Variants in RBFOX1 observed in about 807,000 individuals in gnomAD.
RBFOX1 encodes RNA binding protein fox-1 homolog 1.
Under a neutral mutation model 57.7 loss-of-function variants are expected in RBFOX1, and 8 were observed. The observed-to-expected ratio is 0.14, with a 90% CI of 0.08 to 0.25. RBFOX1 has a LOEUF of 0.25. RBFOX1 is among the 10% of genes least tolerant of loss of function. RBFOX1 has a pLI of 1.00. For missense variants in RBFOX1, 611 were observed against 548.5 expected (o/e 1.11, Z -1.14); for synonymous variants, 326 against 222.4 (o/e 1.47, Z -4.15).
At chr16:6,733,897 C>T (rs572117677) in intron 3 of RBFOX1, among the ~76,000 whole-genome samples, 64 of 152,294 alleles carry the variant, frequency 4.2e-4, no homozygotes, top group Admixed American at 7.8e-4. Context: ...TGATTGTCAG[C>T]GCTATGCTGT....
chr16:5,423,523 G>A (rs1054803602), intron 1 of RBFOX1, among the ~76,000 whole-genome samples: 2 of 152,150 alleles, frequency 1.3e-5, no homozygotes, highest in African/African-American at 4.8e-5. Flanking sequence ...CATGGTGAAG[G>A]GGCCACAGAT....
chr16:5,499,899 T>G (rs1292933662), intron 2 of RBFOX1, among the ~76,000 whole-genome samples: 1 of 152,144 alleles, frequency 6.6e-6, no homozygotes. Context: ...GACTCCAAAA[T>G]CCACACTCCT....
rs114240704 is a variant in RBFOX1, at chr16:5,554,989, G to A, written c.259-43913G>A. ...TTGAATGGTGTTAGTCATAGGAGTG[G>A]ATGTTTATGGTCACAGACTGCACTG... On this transcript the variant is annotated intron_variant, in intron 2 of 2. Coordinates refer to the RBFOX1 transcript ENST00000585867. Among the ~76,000 whole-genome samples the A allele has an allele frequency of 5.9e-3, 892 of 152,234 alleles. 7 individuals carry two copies. The highest frequency in any genetic ancestry group is 0.02 in the African/African-American group (835 of 41,518).
intron 2 of RBFOX1, among the ~76,000 whole-genome samples, chr16:6,555,749 A>T (rs1028592191): frequency 2.3e-4 from 35 of 152,192 alleles, no homozygotes; most frequent in African/African-American, 7.9e-4. Context: ...CATTCCATCT[A>T]TTGTGTGTTT....
At chr16:7,607,450 A>G in intron 10 of RBFOX1, 112 bp downstream of exon 10, 1 of 988,636 alleles carries the variant, frequency 1.0e-6, no homozygotes. Context: ...TTCCTATCCT[A>G]ACAAGTTCTG....
Position 5,301,746 on chromosome 16 carries a change from G to C in RBFOX1, c.219+61641G>C, listed in dbSNP as rs78461448. The stretch of plus-strand genomic sequence containing the variant: ...ACAGCTTGATTGCAGTCTTATAAAA[G>C]AACCACGTATTACAGCCACCCAGAT... On this transcript the variant is annotated intron_variant, in intron 1 of 2. Coordinates refer to the RBFOX1 transcript ENST00000585867. 6.1e-3 allele frequency among the ~76,000 whole-genome samples: 930 copies of C among 151,342 alleles called. 10 individuals are homozygous for C. The highest frequency in any genetic ancestry group is 0.022 in the African/African-American group (896 of 41,298).
intron 3 of RBFOX1, among the ~76,000 whole-genome samples, chr16:6,999,231 T>A (rs1469459374): frequency 6.9e-6 from 1 of 144,534 alleles, no homozygotes; most frequent in East Asian, 2.0e-4. Context: ...TTTTATTTAT[T>A]TTTTTTTTTA....
intron 2 of RBFOX1, among the ~76,000 whole-genome samples, chr16:6,572,300 TTGTC>T (rs2097355788): frequency 6.6e-6 from 1 of 152,240 alleles, no homozygotes; most frequent in African/African-American, 2.4e-5. Context: ...CTCTTCCAAG[TTGTC>T]TGAGATCTAG....
chr16:7,011,081 TC>T (rs1244848536), intron 3 of RBFOX1, among the ~76,000 whole-genome samples: 1 of 151,932 alleles, frequency 6.6e-6, no homozygotes, highest in Admixed American at 6.6e-5. Context: ...TTTTTTTTTT[TC>T]CTGGGTGGGA....
chr16:5,658,760 G>GTA (rs1390531616), intron 3 of RBFOX1, among the ~76,000 whole-genome samples: 107 of 141,762 alleles, frequency 7.5e-4, no homozygotes, highest in African/African-American at 2.1e-3. Context: ...ATATATATAT[G>GTA]TGTATGTATA....
intron 3 of RBFOX1, among the ~76,000 whole-genome samples, chr16:6,678,765 C>T (rs2058164449): frequency 6.6e-6 from 1 of 152,194 alleles, no homozygotes; most frequent in Non-Finnish European, 1.5e-5. Context: ...ATACCACTGA[C>T]TTGAAGCTTT....
At chr16:6,584,346 T>C (rs963720886) in intron 2 of RBFOX1, among the ~76,000 whole-genome samples, 1 of 113,402 alleles carries the variant, frequency 8.8e-6, no homozygotes, top group Non-Finnish European at 1.8e-5. Context: ...TTTTCATTAT[T>C]ATTATTATTA....
chr16:6,185,011 G>A (rs2097096100), intron 1 of RBFOX1, among the ~76,000 whole-genome samples: 1 of 152,132 alleles, frequency 6.6e-6, no homozygotes, highest in South Asian at 2.1e-4. Flanking sequence ...TCGGCATGAG[G>A]TGCCCATTGG....
intron 4 of RBFOX1, among the ~76,000 whole-genome samples, chr16:7,493,552 C>T (rs902150160): frequency 2.6e-5 from 4 of 151,938 alleles, no homozygotes; most frequent in Admixed American, 6.6e-5. Context: ...CACAACAGTA[C>T]TTACAAGGGG....
chr16:7,395,441 A>G (rs2098124686), intron 4 of RBFOX1, among the ~76,000 whole-genome samples: 1 of 152,212 alleles, frequency 6.6e-6, no homozygotes, highest in African/African-American at 2.4e-5. Context: ...GTGGAGCCAG[A>G]AGTATTGGGG....
chr16:7,034,595 A>G (rs2043741080), intron 3 of RBFOX1, among the ~76,000 whole-genome samples: 1 of 151,974 alleles, frequency 6.6e-6, no homozygotes, highest in Non-Finnish European at 1.5e-5. Context: ...ATATCCAGAG[A>G]AGATCCCTGG....
At chr16:7,539,751 T>G (rs1459656630) in intron 5 of RBFOX1, among the ~76,000 whole-genome samples, 2 of 152,208 alleles carry the variant, frequency 1.3e-5, no homozygotes, top group Non-Finnish European at 2.9e-5. Flanking sequence ...GCTTCCTGCT[T>G]CTGCCCTCCC....
upstream of RBFOX1, chr16:5,239,760 G>C (rs1317843908): frequency 2.9e-5 from 5 of 172,524 alleles, no homozygotes; most frequent in African/African-American, 1.2e-4. Context: ...AGCCCGCGCC[G>C]GCCCCGATGC....
At chr16:5,374,556 G>C (rs1001724593) in intron 1 of RBFOX1, among the ~76,000 whole-genome samples, 1 of 152,148 alleles carries the variant, frequency 6.6e-6, no homozygotes. Context: ...GGAGAGTGGG[G>C]TGGAATTACA....
Sources: allele counts gnomAD v4.1 joint callset (sites outside exome capture counted in the v4.1 genomes callset), GRCh38; gene constraint gnomAD v4.1.1; transcripts MANE v1.5; gene names NCBI Gene and HGNC (gene_info 2026-07-23, HGNC 2026-07-21).